The following EYA1 variants were observed in gnomAD, a reference collection of about 807,000 sequenced individuals.
The protein encoded by EYA1 is EYA transcriptional coactivator and phosphatase 1.
In EYA1, 16 loss-of-function variants were observed where a neutral mutation model predicts 82.0. That is an observed-to-expected ratio of 0.20 (90% CI 0.13 to 0.30). EYA1 has a LOEUF of 0.30. EYA1 is among the 10% of genes least tolerant of loss of function. EYA1 has a pLI of 1.00. For missense variants in EYA1, 633 were observed against 730.7 expected, an observed-to-expected ratio of 0.87 and a Z score of 1.54; for synonymous variants, 261 against 264.4, an observed-to-expected ratio of 0.99 and a Z score of 0.12.
At chr8:71,448,229 C>A (rs541997030) in intron 2 of EYA1, among the ~76,000 whole-genome samples, 1 of 152,050 alleles carries the variant, frequency 6.6e-6, no homozygotes, top group Non-Finnish European at 1.5e-5. Context: ...ACAATCTTCT[C>A]AAACCTGCCT....
intron 11 of EYA1, among the ~76,000 whole-genome samples, chr8:71,250,401 CCCTTTCCCAGTT>C (rs1323387998): frequency 3.3e-5 from 5 of 152,190 alleles, no homozygotes; most frequent in African/African-American, 1.2e-4. Flanking sequence ...CCCGCTGGGC[CCCTTTCCCAGTT>C]CCGCAGCTCC....
intron 2 of EYA1, among the ~76,000 whole-genome samples, chr8:71,373,621 GA>G (rs1828205510): frequency 2.6e-5 from 4 of 151,976 alleles, no homozygotes; most frequent in Non-Finnish European, 5.9e-5. Context: ...ATTTTCTCCA[GA>G]AATAGTAAAA....
rs559706525 is a variant in EYA1, at chr8:71,432,928, T to G, written c.34-76417A>C. ...CATTTTAAGTTGCTGTAGATGCTTTTTAACTTATATTATTCTTTACTCTGG... is the reference window on the plus strand; with the variant it reads ...CATTTTAAGTTGCTGTAGATGCTTTGTAACTTATATTATTCTTTACTCTGG... On this transcript the variant is annotated intron_variant, in intron 2 of 18. Transcript: ENST00000643681. 7.2e-5 allele frequency among the ~76,000 whole-genome samples: 11 copies of G among 152,324 alleles called. No homozygotes were observed. The South Asian group carries it at 2.3e-3, about 32-fold the overall frequency.
rs373478254 is a variant in EYA1 at position 71,320,873 on chromosome 8, G to A, written c.418+861C>T. Among the ~76,000 whole-genome samples the A allele has an allele frequency of 5.9e-5, 9 of 152,036 alleles. No homozygotes were observed. The South Asian group carries it at 1.9e-3, about 32-fold the overall frequency. ...TAGAATACTGGTCACAAAAAATTCT[G>A]TACTTGTTGCACAGAATTACTTATT... On this transcript the variant is annotated intron_variant, in intron 6 of 17. Coordinates refer to ENST00000340726, the MANE Select transcript of EYA1 (RefSeq NM_000503.6).
chr8:71,209,555 G>T (rs529564671), intron 17 of EYA1, among the ~76,000 whole-genome samples: 2 of 152,232 alleles, frequency 1.3e-5, no homozygotes, highest in South Asian at 2.1e-4. Context: ...GATTTTAGTG[G>T]AACTCAGAGG....
At chr8:71,395,303 C>T (rs1181369279) in intron 2 of EYA1, among the ~76,000 whole-genome samples, 1 of 152,202 alleles carries the variant, frequency 6.6e-6, no homozygotes, top group Admixed American at 6.5e-5. Context: ...TGCCTGATTG[C>T]CCTGGCCAGA....
chr8:71,417,461 GT>G (rs748266838), intron 2 of EYA1, among the ~76,000 whole-genome samples: 2 of 151,976 alleles, frequency 1.3e-5, no homozygotes, highest in African/African-American at 2.4e-5. Flanking sequence ...CCTACTAAAA[GT>G]TTTTTTTAAA....
intron 12 of EYA1, among the ~76,000 whole-genome samples, chr8:71,226,280 A>G (rs1274945143): frequency 7.2e-5 from 11 of 152,090 alleles, no homozygotes; most frequent in Non-Finnish European, 8.8e-5. Flanking sequence ...ATAAGACATC[A>G]TTATATCACT....
chr8:71,276,275 G>A (rs2128959854), intron 9 of EYA1, among the ~76,000 whole-genome samples: 1 of 152,278 alleles, frequency 6.6e-6, no homozygotes, highest in South Asian at 2.1e-4. Context: ...GAGCAGCAGT[G>A]CACTGGAGTT....
At chr8:71,442,323 T>C (rs987803800) in intron 2 of EYA1, among the ~76,000 whole-genome samples, 2 of 152,198 alleles carry the variant, frequency 1.3e-5, no homozygotes, top group Non-Finnish European at 2.9e-5. Context: ...TTTCAAGACA[T>C]TTGAATCTGG....
intron 4 of EYA1, among the ~76,000 whole-genome samples, chr8:71,330,314 T>A (rs568475123): frequency 2.2e-4 from 34 of 152,304 alleles, no homozygotes; most frequent in African/African-American, 7.5e-4. Flanking sequence ...GTTATTCCTT[T>A]TCTAGCCTGA....
At chr8:71,268,968 T>C (rs2128946616) in intron 11 of EYA1, among the ~76,000 whole-genome samples, 1 of 152,348 alleles carries the variant, frequency 6.6e-6, no homozygotes, top group South Asian at 2.1e-4. Context: ...TAAGACTTAT[T>C]ATTTCTTTAC....
At chr8:71,315,245 T>C (rs1213843689) in intron 7 of EYA1, among the ~76,000 whole-genome samples, 2 of 152,148 alleles carry the variant, frequency 1.3e-5, no homozygotes, top group African/African-American at 2.4e-5. Context: ...TTTTAAAAAA[T>C]TATTATTTGA....
Position 71,271,508 on chromosome 8 carries a change from T to C in EYA1, c.966+250A>G, listed in dbSNP as rs73684736. Reference sequence around the variant, plus strand: ...TTTGTTCAAGTAGAATTGCATAATTTACTATATTTCTTTAGAGAGAAACAG... The same window carrying C: ...TTTGTTCAAGTAGAATTGCATAATTCACTATATTTCTTTAGAGAGAAACAG... On this transcript the variant is annotated intron_variant, in intron 10 of 17. Transcript: ENST00000340726. Among the ~76,000 whole-genome samples the C allele has an allele frequency of 3.1e-3, 477 of 152,132 alleles. 1 individual carries two copies. Among genetic ancestry groups the C allele is most frequent in the African/African-American group, 0.011 (462 of 41,568 alleles).
chr8:71,283,692 T>G (rs1298662775), intron 9 of EYA1, among the ~76,000 whole-genome samples: 1 of 152,194 alleles, frequency 6.6e-6, no homozygotes, highest in Non-Finnish European at 1.5e-5. Flanking sequence ...GGGGACAGCA[T>G]TTCTCTGACA....
chr8:71,373,641 T>C (rs1828206543), intron 2 of EYA1, among the ~76,000 whole-genome samples: 2 of 152,146 alleles, frequency 1.3e-5, no homozygotes, highest in South Asian at 4.1e-4. Context: ...AAAACAATTC[T>C]AAAATTTATA....
chr8:71,503,158 T>A (rs1225448961), intron 2 of EYA1, among the ~76,000 whole-genome samples: 1 of 152,080 alleles, frequency 6.6e-6, no homozygotes, highest in Non-Finnish European at 1.5e-5. Flanking sequence ...TTAATAAAGC[T>A]CTAAAAACTA....
intron 7 of EYA1, among the ~76,000 whole-genome samples, chr8:71,311,504 C>A (rs1166443113): frequency 6.6e-6 from 1 of 152,224 alleles, no homozygotes; most frequent in African/African-American, 2.4e-5. Context: ...TCTGTCCATC[C>A]ACACCCACCC....
intron 2 of EYA1, among the ~76,000 whole-genome samples, chr8:71,397,411 T>C (rs1829692150): frequency 6.6e-6 from 1 of 152,228 alleles, no homozygotes; most frequent in Non-Finnish European, 1.5e-5. Context: ...TGGCATGTTT[T>C]TGCAGTGGCT....
Sources: gnomAD v4.1 joint callset for allele counts (sites outside exome capture counted in the v4.1 genomes callset) on GRCh38, gnomAD v4.1.1 for gene constraint, MANE v1.5 for transcripts, NCBI Gene and HGNC (gene_info 2026-07-23, HGNC 2026-07-21) for gene names.